The following ANKRD26 variants were observed in gnomAD, a reference collection of about 807,000 sequenced individuals.
ANKRD26 encodes the protein ankyrin repeat domain-containing protein 26.
A neutral mutation model predicts 208.7 loss-of-function variants in ANKRD26; 141 were observed. The ratio of observed to expected loss-of-function variants is 0.68; its 90% CI spans 0.59 to 0.78. The LOEUF is 0.78. ANKRD26 is among the 30% of genes least tolerant of loss of function. ANKRD26 has a pLI of 0.00. For missense variants in ANKRD26, 1,889 were observed against 1,938.7 expected (o/e 0.97, Z 0.48); for synonymous variants, 636 against 660.4 (o/e 0.96, Z 0.57).
chr10:26,952,800 A>C, the ANKRD26 span, among the ~76,000 whole-genome samples: 10 of 152,216 alleles, frequency 6.6e-5, no homozygotes, highest in African/African-American at 1.9e-4. Flanking sequence ...CTTTTGACCC[A>C]ACTAGGCCAA....
At chr10:26,986,904 AT>A (rs2052398866) in intron 3 of ANKRD26, among the ~76,000 whole-genome samples, 1 of 152,250 alleles carries the variant, frequency 6.6e-6, no homozygotes, top group South Asian at 2.1e-4. Flanking sequence ...TAGAAACACC[AT>A]TTGACCCAGC....
chr10:26,966,301 A>G, the ANKRD26 span, among the ~76,000 whole-genome samples: 3 of 152,272 alleles, frequency 2.0e-5, no homozygotes, highest in African/African-American at 7.2e-5. Flanking sequence ...CTATGCAGCC[A>G]TAAAAAGGAA....
chr10:27,032,701 G>C (rs1277443405), intron 25 of ANKRD26, among the ~76,000 whole-genome samples: 4 of 151,702 alleles, frequency 2.6e-5, no homozygotes, highest in African/African-American at 9.7e-5. Flanking sequence ...TATAATGCCA[G>C]CTACTCAGGA....
At chr10:27,020,827 T>G (rs1334166971) in intron 29 of ANKRD26, among the ~76,000 whole-genome samples, 1 of 152,120 alleles carries the variant, frequency 6.6e-6, no homozygotes, top group African/African-American at 2.4e-5. Flanking sequence ...TCCAGCTAAT[T>G]TTTTTGTATT....
chr10:27,039,558 C>T (rs1162367880), intron 21 of ANKRD26, among the ~76,000 whole-genome samples: 1 of 151,648 alleles, frequency 6.6e-6, no homozygotes, highest in Non-Finnish European at 1.5e-5. Context: ...AAATCTGGAC[C>T]AAAGGCCTTT....
At chr10:27,060,260 G>A (rs1266908753) in intron 15 of ANKRD26, 85 bp downstream of exon 15, 20 of 1,266,508 alleles carry the variant, frequency 1.6e-5, no homozygotes, top group Non-Finnish European at 2.3e-5. Context: ...AAAGAATTAG[G>A]AATAAGAAAA....
chr10:26,983,879 A>C (rs1365661773), intron 3 of ANKRD26, among the ~76,000 whole-genome samples: 1 of 152,086 alleles, frequency 6.6e-6, no homozygotes, highest in Admixed American at 6.6e-5. Context: ...GATGTAATAC[A>C]TTTTGGTGTT....
At chr10:26,965,361 G>C in the ANKRD26 span, among the ~76,000 whole-genome samples, 6 of 152,108 alleles carry the variant, frequency 3.9e-5, no homozygotes, top group Non-Finnish European at 8.8e-5. Context: ...TGACAAACCT[G>C]ACAAAAACAA....
intron 4 of ANKRD26, among the ~76,000 whole-genome samples, chr10:27,090,185 C>T (rs1248331203): frequency 6.6e-6 from 1 of 152,286 alleles, no homozygotes; most frequent in South Asian, 2.1e-4. Flanking sequence ...GTGGCTCATG[C>T]CTGTGATCCT....
At chr10:27,024,908 T>C (rs1191298737) in intron 27 of ANKRD26, among the ~76,000 whole-genome samples, 1 of 152,210 alleles carries the variant, frequency 6.6e-6, no homozygotes, top group East Asian at 1.9e-4. Context: ...ATTCCAGTTT[T>C]TGTTAAATCA....
downstream of ANKRD26, among the ~76,000 whole-genome samples, chr10:27,000,211 G>A (rs2052691920): frequency 1.3e-5 from 2 of 152,152 alleles, no homozygotes; most frequent in South Asian, 2.1e-4. Flanking sequence ...CACAGAAACC[G>A]AGAGATAAGT....
the ANKRD26 span, among the ~76,000 whole-genome samples, chr10:26,961,214 T>TAAA: frequency 5.0e-4 from 70 of 139,824 alleles, no homozygotes; most frequent in African/African-American, 1.9e-3. Context: ...AGAATCCATC[T>TAAA]AAAAAAAAAA....
intron 11 of ANKRD26, among the ~76,000 whole-genome samples, chr10:27,064,481 G>A (rs1401176800): frequency 1.3e-5 from 2 of 151,818 alleles, no homozygotes; most frequent in Non-Finnish European, 2.9e-5. Flanking sequence ...CTGATTAAGA[G>A]GGAAAAAAAA....
chr10:27,083,729 C>T (rs796970168), intron 5 of ANKRD26, among the ~76,000 whole-genome samples: 9 of 152,324 alleles, frequency 5.9e-5, no homozygotes, highest in African/African-American at 1.9e-4. Flanking sequence ...TTTCCCAATC[C>T]CTTTACATGG....
chr10:27,057,199 C>T (rs895839407), intron 15 of ANKRD26, among the ~76,000 whole-genome samples: 2 of 152,168 alleles, frequency 1.3e-5, no homozygotes, highest in Non-Finnish European at 2.9e-5. Flanking sequence ...CCCATGTCAA[C>T]CTCTATGCTA....
At position 27,024,499 on chromosome 10, in the gene ANKRD26, T is replaced by C; in HGVS notation, c.4033A>G (p.Asn1345Asp). Reference protein sequence around the residue: ...LMELKQSLECNLDQEMKKNVE... With the variant: ...LMELKQSLECDLDQEMKKNVE... Reference sequence around the variant, plus strand: ...TTTTTCTTCATTTCTTGATCCAAATTACATTCCAGTGACTGTTTTAATTCC... The same window carrying C: ...TTTTTCTTCATTTCTTGATCCAAATCACATTCCAGTGACTGTTTTAATTCC... Residue 1345 changes from asparagine to aspartate, a missense_variant, in exon 28 of 34, where the codon AAT becomes GAT. Around this residue, in one of 3 missense-constraint regions of ANKRD26, gnomAD observed 613 missense variants for 648.2 expected, o/e 0.95. Coordinates refer to ENST00000376087, the MANE Select transcript of ANKRD26 (RefSeq NM_014915.3). The C allele has an allele frequency of 6.3e-7, 1 of 1,585,906 alleles. No individual in the cohort carries two copies. Among genetic ancestry groups the C allele is most frequent in the Non-Finnish European group, 8.6e-7 (1 of 1,157,302 alleles).
chr10:27,015,706 G>A (rs2053266696), intron 30 of ANKRD26, among the ~76,000 whole-genome samples: 2 of 151,960 alleles, frequency 1.3e-5, no homozygotes, highest in African/African-American at 2.4e-5. Context: ...CTCTCACAAC[G>A]GCTACATATT....
At chr10:26,951,720 G>C in the ANKRD26 span, among the ~76,000 whole-genome samples, 327 of 152,292 alleles carry the variant, frequency 2.1e-3, 4 homozygotes, top group Non-Finnish European at 1.8e-3. Context: ...GCATTGGCTA[G>C]AGACTCCAGG....
the ANKRD26 span, among the ~76,000 whole-genome samples, chr10:26,966,867 C>T: frequency 6.6e-6 from 1 of 152,056 alleles, no homozygotes; most frequent in African/African-American, 2.4e-5. Flanking sequence ...AATTCATAGT[C>T]TTGATTCATA....
Sources: allele counts gnomAD v4.1 joint callset (sites outside exome capture counted in the v4.1 genomes callset), GRCh38; gene constraint gnomAD v4.1.1; regional missense constraint gnomAD v4.1.1; transcripts MANE v1.5; gene names NCBI Gene and HGNC (gene_info 2026-07-23, HGNC 2026-07-21).